Variants in ATP10B observed in about 807,000 individuals in gnomAD.
The protein encoded by ATP10B is phospholipid-transporting ATPase VB.
ATP10B carries 122 observed loss-of-function variants against 141.2 expected under a neutral mutation model. That is an observed-to-expected ratio of 0.86 (90% confidence interval 0.75 to 1.00). ATP10B has a LOEUF of 1.00. Among genes scored for constraint, ATP10B ranks in the 50% least tolerant of loss-of-function variants. The pLI, the probability that ATP10B is intolerant of heterozygous loss-of-function variation, is 0.00. For synonymous variants in ATP10B, 685 were observed against 692.0 expected, an observed-to-expected ratio of 0.99 and a Z score of 0.16; for missense variants, 1,876 against 1,825.3, an observed-to-expected ratio of 1.03 and a Z score of -0.51.
At chr5:160,648,926 GTTT>G (rs367848503) in intron 8 of ATP10B, among the ~76,000 whole-genome samples, 3 of 131,082 alleles carry the variant, frequency 2.3e-5, no homozygotes, top group Admixed American at 7.9e-5. Flanking sequence ...TTTTACTAAG[GTTT>G]TTTTTTTTTT....
chr5:160,569,377 G>T (rs765554802), intron 25 of ATP10B, 119 bp downstream of exon 25: 4 of 975,532 alleles, frequency 4.1e-6, no homozygotes, highest in Non-Finnish European at 3.0e-6. Flanking sequence ...CTCTGTTTCT[G>T]AAACATTAGC....
intron 2 of ATP10B, among the ~76,000 whole-genome samples, chr5:160,752,049 A>C (rs563158902): frequency 6.6e-6 from 1 of 152,288 alleles, no homozygotes; most frequent in South Asian, 2.1e-4. Context: ...TTTGACTCTA[A>C]GTAGGGCAAC....
chr5:160,892,283 C>T, the ATP10B span, among the ~76,000 whole-genome samples: 1 of 152,196 alleles, frequency 6.6e-6, no homozygotes, highest in East Asian at 1.9e-4. Flanking sequence ...CCCAATTTCA[C>T]CTGCTCCAGC....
chr5:160,652,942 TATATA>T lies in ATP10B; in HGVS notation c.676-3691_676-3687del, dbSNP rs1490051244. Among the ~76,000 whole-genome samples the T allele has an allele frequency of 4.9e-3, 406 of 83,004 alleles. 31 individuals carry two copies. Among genetic ancestry groups the T allele is most frequent in the African/African-American group, 0.02 (363 of 18,392 alleles). The allele number at this position is 83,004 out of a possible 152,430, so 54.5% of individuals were successfully genotyped here. ...ATATAATATATTATATATACATGTATATATAATATATTATATATACATGTATATAT... is the reference window on the plus strand; with the variant it reads ...ATATAATATATTATATATACATGTATATATATTATATATACATGTATATAT... On this transcript the variant is annotated intron_variant, in intron 7 of 25. Coordinates refer to ENST00000327245, the MANE Select transcript of ATP10B (RefSeq NM_025153.3).
In ATP10B at chr5:160,688,095, C is replaced by G. The variant is rs1482895713; in HGVS notation, c.-20-1G>C. The G allele has an allele frequency of 6.2e-7, 1 of 1,605,754 alleles. No homozygotes were observed. On this transcript the variant is annotated splice_acceptor_variant, in intron 4 of 25. Coordinates refer to ENST00000327245, the MANE Select transcript of ATP10B (RefSeq NM_025153.3). LOFTEE classifies it low-confidence loss of function (5UTR_SPLICE). Reference sequence around the variant, plus strand: ...GCCATTTCCAGCAGCAGGCGAAGATCTGAAAACAGACACAGGAGGAGCTAT... The same window carrying G: ...GCCATTTCCAGCAGCAGGCGAAGATGTGAAAACAGACACAGGAGGAGCTAT...
chr5:160,797,058 C>A (rs1771998126), intron 1 of ATP10B, among the ~76,000 whole-genome samples: 1 of 152,102 alleles, frequency 6.6e-6, no homozygotes, highest in East Asian at 1.9e-4. Flanking sequence ...GCAAAATCTC[C>A]CCCTGAGTTG....
chr5:160,620,806 C>G lies in ATP10B; in HGVS notation c.1957G>C (p.Ala653Pro), dbSNP rs753333491. Residue 653 changes from alanine (A) to proline (P), a missense_variant, in exon 15 of 26, where the codon GCC (alanine) becomes CCC (proline). Coordinates refer to ENST00000327245, the MANE Select transcript of ATP10B (RefSeq NM_025153.3). ...SDTDLGESLGANVATTDSDER... is the reference protein window; with the variant it reads ...SDTDLGESLGPNVATTDSDER... The stretch of plus-strand genomic sequence containing the variant: ...TCCGAGTCTGTGGTGGCCACGTTGG[C>G]CCCTAAGCTCTCCCCGAGGTCTGTG... The G allele has an allele frequency of 6.2e-7, 1 of 1,614,036 alleles. No individual in the cohort carries two copies. The highest frequency in any genetic ancestry group is 8.5e-7 in the Non-Finnish European group (1 of 1,180,038).
chr5:160,778,533 C>G (rs1238514925), intron 2 of ATP10B, among the ~76,000 whole-genome samples: 1 of 152,110 alleles, frequency 6.6e-6, no homozygotes, highest in Non-Finnish European at 1.5e-5. Flanking sequence ...CAACTCTATC[C>G]CATAAGCCCA....
rs368049318 is a variant in ATP10B at position 160,606,930 on chromosome 5, C to T, written c.2995G>A (p.Asp999Asn). 48 of 1,614,048 alleles carry T rather than the reference C, an allele frequency of 3.0e-5. No individual in the cohort carries two copies. The highest frequency in any genetic ancestry group is 1.2e-4 in the Admixed American group (7 of 59,998). ...AVVPEAGLVI[D>N]GKTLNAIFQG... ...AAGATGGCATTCAATGTCTTCCCAT[C>T]GATGACCAATCCAGCTTCTGGAACC... Residue 999 changes from aspartate to asparagine, a missense_variant, in exon 19 of 26, where the codon GAT (aspartate) becomes AAT (asparagine). Transcript: ENST00000327245.
chr5:160,688,542 T>C (rs1200902943), intron 4 of ATP10B, among the ~76,000 whole-genome samples: 3 of 152,188 alleles, frequency 2.0e-5, no homozygotes, highest in African/African-American at 7.2e-5. Flanking sequence ...AGTGGGGAGC[T>C]GTTCCTTCAC....
rs190076898 is a variant in ATP10B at position 160,845,455 on chromosome 5, T to C, written c.-576+6486A>G. ...GACTGGGAAGAGGCACACCAGGACC[T>C]TCTCGAAAGCTGGTAGCATTTTATT... On this transcript the variant is annotated intron_variant, in intron 1 of 25. Transcript: ENST00000327245. Among the ~76,000 whole-genome samples the C allele has an allele frequency of 1.5e-3, 224 of 152,314 alleles. 1 individual carries two copies. The highest frequency in any genetic ancestry group is 1.7e-3 in the Non-Finnish European group (117 of 68,020).
the ATP10B span, among the ~76,000 whole-genome samples, chr5:160,877,054 G>C: frequency 6.6e-6 from 1 of 152,092 alleles, no homozygotes; most frequent in South Asian, 2.1e-4. Flanking sequence ...GCATCATTCT[G>C]ATACCAAAGC....
chr5:160,887,936 C>A, the ATP10B span, among the ~76,000 whole-genome samples: 18 of 152,208 alleles, frequency 1.2e-4, no homozygotes, highest in Non-Finnish European at 2.5e-4. Context: ...TGTTTGCTTA[C>A]GTTGGGAGGC....
At chr5:160,682,089 A>C (rs1489568580) in intron 6 of ATP10B, among the ~76,000 whole-genome samples, 1 of 152,226 alleles carries the variant, frequency 6.6e-6, no homozygotes, top group Non-Finnish European at 1.5e-5. Context: ...TTAATTACCT[A>C]TCTGGTCCCT....
At chr5:160,929,196 G>A in the ATP10B span, among the ~76,000 whole-genome samples, 3 of 152,256 alleles carry the variant, frequency 2.0e-5, no homozygotes, top group African/African-American at 7.2e-5. Flanking sequence ...TCACCCCCAA[G>A]CCTTAGGATC....
chr5:160,830,725 T>C (rs1775011097), intron 1 of ATP10B, among the ~76,000 whole-genome samples: 1 of 152,044 alleles, frequency 6.6e-6, no homozygotes, highest in African/African-American at 2.4e-5. Context: ...TTATTGCATA[T>C]TTGACAACTA....
intron 2 of ATP10B, among the ~76,000 whole-genome samples, chr5:160,751,778 A>G (rs187495250): frequency 6.6e-6 from 1 of 152,314 alleles, no homozygotes; most frequent in Non-Finnish European, 1.5e-5. Flanking sequence ...GTGTGTGTGC[A>G]CAGTGTACTT....
intron 1 of ATP10B, among the ~76,000 whole-genome samples, chr5:160,795,376 T>C (rs564864087): frequency 6.6e-6 from 1 of 152,112 alleles, no homozygotes; most frequent in Non-Finnish European, 1.5e-5. Context: ...CTCAGATTGG[T>C]GTCTACTGTA....
At chr5:160,879,327 A>C in the ATP10B span, among the ~76,000 whole-genome samples, 2 of 99,272 alleles carry the variant, frequency 2.0e-5, no homozygotes, top group Non-Finnish European at 4.0e-5. Context: ...ATAGGTGGGA[A>C]TTGAACAATG....
Sources: allele counts gnomAD v4.1 joint callset (sites outside exome capture counted in the v4.1 genomes callset), GRCh38; gene constraint gnomAD v4.1.1; transcripts MANE v1.5; gene names NCBI Gene and HGNC (gene_info 2026-07-23, HGNC 2026-07-21).